The following CLPB variants were observed in gnomAD, a reference collection of about 807,000 sequenced individuals.
CLPB encodes the protein mitochondrial disaggregase.
A neutral mutation model predicts 78.4 loss-of-function variants in CLPB; 40 were observed. The ratio of observed to expected loss-of-function variants is 0.51; its 90% CI spans 0.40 to 0.66. The LOEUF (loss-of-function observed/expected upper bound fraction) is 0.66. Ranked by LOEUF, CLPB falls within the 30% of genes least tolerant of loss-of-function variation. The pLI is 0.00. For synonymous variants in CLPB, 333 were observed against 348.0 expected (o/e 0.96, Z 0.48); for missense variants, 780 against 886.9 (o/e 0.88, Z 1.53).
rs561839957 is a variant in CLPB, at chr11:72,302,070, C to G, written c.1168-106G>C. 7.7e-6 allele frequency: 10 copies of G among 1,299,044 alleles called. No individual in the cohort carries two copies. The East Asian group carries it at 2.1e-4, about 27-fold the overall frequency. 80.5% of individuals were successfully genotyped at this position (1,299,044 alleles called of 1,614,324 possible). The stretch of plus-strand genomic sequence containing the variant: ...TTTATACGCTATTAAGGTTGCCTCT[C>G]TCAACAGAGATGATTGGCTGTCCAT... On this transcript the variant is annotated intron_variant, in intron 10 of 15. Coordinates refer to ENST00000538039, the MANE Select transcript of CLPB (RefSeq NM_001258392.3).
chr11:72,363,955 C>G (rs906116429), intron 4 of CLPB, among the ~76,000 whole-genome samples: 1 of 152,204 alleles, frequency 6.6e-6, no homozygotes, highest in African/African-American at 2.4e-5. Flanking sequence ...AAATTAAGAC[C>G]CTGCTGAGGC....
intron 6 of CLPB, among the ~76,000 whole-genome samples, chr11:72,329,287 G>A (rs528549616): frequency 6.6e-6 from 1 of 152,280 alleles, no homozygotes; most frequent in African/African-American, 2.4e-5. Context: ...AAAGAATGAT[G>A]ATAAGAAAAG....
chr11:72,302,483 G>T, intron 9 of CLPB, 135 bp from the exon 10 acceptor site: 1 of 771,924 alleles, frequency 1.3e-6, no homozygotes, highest in South Asian at 1.5e-5. Flanking sequence ...TCACGCTCAA[G>T]ATGTTTTTTT....
intron 2 of CLPB, chr11:72,408,140 G>A (rs1469651322): frequency 2.6e-6 from 4 of 1,535,516 alleles, no homozygotes; most frequent in Middle Eastern, 1.7e-4. Context: ...GTTCTTCAGT[G>A]AGACTCCAGC....
chr11:72,423,586 A>C (rs75531442), intron 2 of CLPB, among the ~76,000 whole-genome samples: 15,710 of 152,146 alleles, frequency 0.1, 1,441 homozygotes, highest in African/African-American at 0.24. Flanking sequence ...CCAGCATCCA[A>C]CACAGATCTC....
intron 4 of CLPB, among the ~76,000 whole-genome samples, chr11:72,378,319 G>T (rs1854782087): frequency 6.6e-6 from 1 of 152,122 alleles, no homozygotes; most frequent in African/African-American, 2.4e-5. Context: ...CCTGAAACTG[G>T]GAACAAAAAG....
At chr11:72,359,748 G>A (rs1329140554) in intron 4 of CLPB, among the ~76,000 whole-genome samples, 1 of 152,094 alleles carries the variant, frequency 6.6e-6, no homozygotes, top group African/African-American at 2.4e-5. Flanking sequence ...GGAATTTACT[G>A]TAAATGCAAT....
intron 5 of CLPB, among the ~76,000 whole-genome samples, chr11:72,344,041 G>C (rs1341553422): frequency 1.3e-5 from 2 of 152,108 alleles, no homozygotes; most frequent in South Asian, 2.1e-4. Context: ...ACTGCCCACA[G>C]ATCAGGAGAG....
At chr11:72,400,374 C>G (rs779010693) in intron 3 of CLPB, among the ~76,000 whole-genome samples, 3 of 152,204 alleles carry the variant, frequency 2.0e-5, no homozygotes, top group Non-Finnish European at 4.4e-5. Flanking sequence ...TAAGCCAACA[C>G]TCTCACTTTG....
intron 9 of CLPB, among the ~76,000 whole-genome samples, chr11:72,305,473 T>A (rs1949730947): frequency 6.6e-6 from 1 of 152,336 alleles, no homozygotes; most frequent in Admixed American, 6.5e-5. Flanking sequence ...GCATCGTCAC[T>A]TGATGCTCAC....
At chr11:72,317,316 A>G (rs1949965122) in intron 6 of CLPB, 96 bp from the exon 7 acceptor site, 4 of 864,790 alleles carry the variant, frequency 4.6e-6, no homozygotes, top group South Asian at 1.7e-5. Flanking sequence ...AGGTCTGGGT[A>G]TCCAGGGGTC....
At chr11:72,300,714 C>T (rs1949640174) in intron 11 of CLPB, among the ~76,000 whole-genome samples, 1 of 152,060 alleles carries the variant, frequency 6.6e-6, no homozygotes, top group Admixed American at 6.5e-5. Flanking sequence ...GGAAGCAAAC[C>T]ACCTTTTTGT....
chr11:72,362,695 G>A (rs1049346854), intron 4 of CLPB, among the ~76,000 whole-genome samples: 1 of 152,168 alleles, frequency 6.6e-6, no homozygotes, highest in African/African-American at 2.4e-5. Context: ...AGGATTAAAT[G>A]AGACACTATG....
At chr11:72,308,441 C>T in intron 8 of CLPB, 86 bp downstream of exon 8, 2 of 1,209,106 alleles carry the variant, frequency 1.7e-6, no homozygotes, top group South Asian at 2.4e-5. Flanking sequence ...CCTGCTGACC[C>T]TGGCCCGCAG....
intron 4 of CLPB, among the ~76,000 whole-genome samples, chr11:72,367,103 G>T (rs1241943892): frequency 6.6e-6 from 1 of 152,184 alleles, no homozygotes; most frequent in African/African-American, 2.4e-5. Flanking sequence ...GCAGCTAGAA[G>T]CCATCATCCT....
rs1335042372 is a variant in CLPB at position 72,301,830 on chromosome 11, G to T, written c.1302C>A (p.Leu434=). 7 of 1,614,044 alleles carry T rather than the reference G, an allele frequency of 4.3e-6. No homozygotes were observed. The highest frequency in any genetic ancestry group is 3.3e-5 in the South Asian group (3 of 91,076). The part of the protein sequence containing the change: ...DEVDKAHPDV[L]TIMLQLFDEG... Reference sequence around the variant, plus strand: ...CATCAAACAGCTGCAGCATGATGGTGAGCACATCTGGATGGGCCTTGTCTA... The same window carrying T: ...CATCAAACAGCTGCAGCATGATGGTTAGCACATCTGGATGGGCCTTGTCTA... Residue 434 remains leucine, a synonymous_variant, in exon 11 of 16, where the codon CTC becomes CTA. Transcript: ENST00000538039.
chr11:72,286,223 G>GTTTTTTTTTTTTTGTTTTTTTTTTTTTTT lies in CLPB; in HGVS notation c.*7143_*7144insAAAAAAAAAAAAAAACAAAAAAAAAAAAA, dbSNP rs1949387065. On this transcript the variant is annotated 3_prime_UTR_variant, in exon 16 of 16. Transcript: ENST00000538039. Reference sequence around the variant, plus strand: ...ATTACAGGTGTGAGATACTGCACCTGTTTTTTTTTTTTTTTTTTTTTTTAA... The same window carrying GTTTTTTTTTTTTTGTTTTTTTTTTTTTTT: ...ATTACAGGTGTGAGATACTGCACCTGTTTTTTTTTTTTTGTTTTTTTTTTTTTTTTTTTTTTTTTTTTTTTTTTTTTTAA... The GTTTTTTTTTTTTTGTTTTTTTTTTTTTTT allele has an allele frequency of 1.7e-5, 1 of 60,464 alleles. No individual in the cohort carries two copies. Among genetic ancestry groups the GTTTTTTTTTTTTTGTTTTTTTTTTTTTTT allele is most frequent in the African/African-American group, 6.9e-5 (1 of 14,486 alleles). The allele number at this position is 60,464 out of a possible 1,614,324, so 3.7% of individuals were successfully genotyped here.
chr11:72,302,649 C>T (rs1949679529), intron 9 of CLPB: 1 of 364,172 alleles, frequency 2.7e-6, no homozygotes, highest in Non-Finnish European at 5.2e-6. Flanking sequence ...ATCATCCACC[C>T]ACCCATCCAT....
chr11:72,336,239 A>G (rs1950319927), intron 5 of CLPB, among the ~76,000 whole-genome samples: 1 of 152,162 alleles, frequency 6.6e-6, no homozygotes, highest in South Asian at 2.1e-4. Context: ...CTTAACAACA[A>G]CAACAATAAC....
Sources: gnomAD v4.1 joint callset for allele counts (sites outside exome capture counted in the v4.1 genomes callset) on GRCh38, gnomAD v4.1.1 for gene constraint, MANE v1.5 for transcripts, NCBI Gene and HGNC (gene_info 2026-07-23, HGNC 2026-07-21) for gene names.